The following CD38 variants were observed in gnomAD, a reference collection of about 807,000 sequenced individuals.
CD38 encodes the protein CD38 molecule, also known as ADP-ribosyl cyclase/cyclic ADP-ribose hydrolase 1.
A neutral mutation model predicts 36.3 loss-of-function variants in CD38; 31 were observed. That is an observed-to-expected ratio of 0.85 (90% CI 0.64 to 1.15). The LOEUF (loss-of-function observed/expected upper bound fraction) is 1.15. Ranked by LOEUF, CD38 falls within the 50% of genes most tolerant of loss-of-function variation. CD38 has a pLI of 0.00. For synonymous variants in CD38, 131 were observed against 135.2 expected (o/e 0.97, Z 0.22); for missense variants, 380 against 371.9 (o/e 1.02, Z -0.18).
chr4:15,805,807 T>C lies in CD38; in HGVS notation c.234-10704T>C, dbSNP rs560526425. 2.6e-5 allele frequency among the ~76,000 whole-genome samples: 4 copies of C among 152,338 alleles called. No homozygotes were observed. The East Asian group carries it at 7.7e-4, about 29-fold the overall frequency. ...ACTCACTTCTCCCACAAGGTGGCAGTCTTTACCTTCAACACAGGTTCTGGT... is the reference window on the plus strand; with the variant it reads ...ACTCACTTCTCCCACAAGGTGGCAGCCTTTACCTTCAACACAGGTTCTGGT... On this transcript the variant is annotated intron_variant, in intron 1 of 7. Transcript: ENST00000226279.
intron 1 of CD38, among the ~76,000 whole-genome samples, chr4:15,781,921 T>C (rs1239280909): frequency 1.3e-5 from 2 of 152,218 alleles, no homozygotes. Context: ...GCCATGGTTC[T>C]GTGGTTTGAC....
intron 1 of CD38, among the ~76,000 whole-genome samples, chr4:15,799,056 G>A (rs981883486): frequency 1.3e-5 from 2 of 152,092 alleles, no homozygotes; most frequent in Non-Finnish European, 2.9e-5. Context: ...TTTTAGGGTT[G>A]TGCCTTTTGT....
intron 1 of CD38, among the ~76,000 whole-genome samples, chr4:15,784,145 A>G (rs1722761533): frequency 6.6e-6 from 1 of 152,192 alleles, no homozygotes; most frequent in African/African-American, 2.4e-5. Flanking sequence ...GCTTCTGTGC[A>G]GTTAGTGCTG....
In CD38 at chr4:15,791,790, G is replaced by C. The variant is rs1333263026; in HGVS notation, c.233+13143G>C. ...CTCTGCCCGGCCAGCCGCCCCGTCC[G>C]GGAGGGAGGTGGGAGGGTCAGCCCC... is the stretch of plus-strand genomic sequence containing the variant. On this transcript the variant is annotated intron_variant, in intron 1 of 7. Coordinates refer to ENST00000226279, the MANE Select transcript of CD38 (RefSeq NM_001775.4). Among the ~76,000 whole-genome samples, 3 of 77,734 alleles carry C rather than the reference G, an allele frequency of 3.9e-5. 1 individual carries two copies. The highest frequency in any genetic ancestry group is 6.9e-5 in the Non-Finnish European group (3 of 43,710). The allele number at this position is 77,734 out of a possible 152,430, so 51.0% of individuals were successfully genotyped here. A position where few individuals can be genotyped will look rare whatever the true frequency, so the allele number is the denominator to read the frequency against.
In CD38 at chr4:15,816,460, AT is replaced by A. The variant is rs1560314132; in HGVS notation, c.234-50del. The A allele has an allele frequency of 2.7e-6, 4 of 1,457,498 alleles. No homozygotes were observed. In the African/African-American group the frequency reaches 5.8e-5, roughly 21 times the overall value. The allele number at this position is 1,457,498 out of a possible 1,614,324, so 90.3% of individuals were successfully genotyped here. On this transcript the variant is annotated intron_variant, in intron 1 of 7. Coordinates refer to ENST00000226279, the MANE Select transcript of CD38 (RefSeq NM_001775.4). ...TCTAAAAAATAATTATGCTCCAAAA[AT>A]ATTTTTAAAATCAAATAATTTATGT...
chr4:15,814,041 T>C (rs1253204860), intron 1 of CD38, among the ~76,000 whole-genome samples: 2 of 152,226 alleles, frequency 1.3e-5, no homozygotes, highest in Non-Finnish European at 2.9e-5. Context: ...TCCACAGTGG[T>C]TGAACTAATT....
rs1488011023 is a variant in CD38, at chr4:15,816,647, G to A, written c.363+7G>A. ...GACCGTACCTTGCAACAAGGTAATT[G>A]GGGGCATGCCATTGATTTTAAAACT... On this transcript the variant is annotated splice_region_variant and intron_variant, in intron 2 of 7. Transcript: ENST00000226279. 3.1e-6 allele frequency: 5 copies of A among 1,613,316 alleles called. No individual in the cohort carries two copies. Among genetic ancestry groups the A allele is most frequent in the Non-Finnish European group, 4.2e-6 (5 of 1,179,524 alleles).
At chr4:15,821,920 G>A (rs370879566) in intron 2 of CD38, among the ~76,000 whole-genome samples, 2 of 151,440 alleles carry the variant, frequency 1.3e-5, no homozygotes, top group Admixed American at 6.6e-5. Context: ...ATATCCTGAA[G>A]AACATCGATA....
intron 3 of CD38, chr4:15,825,963 T>C (rs189477230): frequency 1.3e-5 from 2 of 152,292 alleles, no homozygotes; most frequent in South Asian, 2.1e-4. Context: ...CTTTTTTTTT[T>C]CTTTTTGTTT....
At chr4:15,837,281 G>A (rs1724087034) in intron 4 of CD38, among the ~76,000 whole-genome samples, 1 of 152,194 alleles carries the variant, frequency 6.6e-6, no homozygotes, top group Non-Finnish European at 1.5e-5. Flanking sequence ...ACTCATGGAT[G>A]TATGTGGATG....
chr4:15,795,137 AG>A (rs1216099417), intron 1 of CD38, among the ~76,000 whole-genome samples: 5 of 152,194 alleles, frequency 3.3e-5, no homozygotes, highest in Non-Finnish European at 7.4e-5. Flanking sequence ...TTCTTGAATA[AG>A]GGGGTGGTGG....
At chr4:15,830,951 CTTCT>C (rs1723947684) in intron 3 of CD38, among the ~76,000 whole-genome samples, 2 of 152,050 alleles carry the variant, frequency 1.3e-5, no homozygotes, top group East Asian at 1.9e-4. Context: ...TCTTCTCTTC[CTTCT>C]TTCTTTCCTT....
At chr4:15,834,416 A>G in intron 4 of CD38, 114 bp downstream of exon 4, 1 of 688,866 alleles carries the variant, frequency 1.5e-6, no homozygotes. Context: ...AGGAATGAAA[A>G]TATAGGATTC....
intron 1 of CD38, among the ~76,000 whole-genome samples, chr4:15,797,953 G>GT (rs1425266345): frequency 3.9e-5 from 6 of 152,090 alleles, no homozygotes; most frequent in African/African-American, 7.2e-5. Context: ...TTTCAACATC[G>GT]TTTGGGGGGG....
chr4:15,818,778 A>G (rs1366155056), intron 2 of CD38, among the ~76,000 whole-genome samples: 1 of 152,218 alleles, frequency 6.6e-6, no homozygotes, highest in Non-Finnish European at 1.5e-5. Flanking sequence ...TATGGAAGAA[A>G]GGGCCTGACT....
At chr4:15,794,479 G>C (rs943568764) in intron 1 of CD38, among the ~76,000 whole-genome samples, 1 of 152,160 alleles carries the variant, frequency 6.6e-6, no homozygotes, top group African/African-American at 2.4e-5. Flanking sequence ...CACAAGGAAA[G>C]AAAACATTTC....
At position 15,816,581 on chromosome 4, in the gene CD38, A is replaced by G; in HGVS notation, c.304A>G (p.Thr102Ala). 6.2e-7 allele frequency: 1 copy of G among 1,613,880 alleles called. No individual in the cohort carries two copies. Among genetic ancestry groups the G allele is most frequent in the Non-Finnish European group, 8.5e-7 (1 of 1,179,732 alleles). Reference sequence around the variant, plus strand: ...TATTTCAAAACATCCTTGCAACATTACTGAAGAAGACTATCAGCCACTAAT... The same window carrying G: ...TATTTCAAAACATCCTTGCAACATTGCTGAAGAAGACTATCAGCCACTAAT... ...AFISKHPCNI[T>A]EEDYQPLMKL... is the part of the protein sequence containing the mutation. The change falls in exon 2 of 8, where the codon ACT becomes GCT. Residue 102 changes from threonine to alanine, a missense_variant. Coordinates refer to ENST00000226279, the MANE Select transcript of CD38 (RefSeq NM_001775.4).
rs1724386838 is a variant in CD38 at position 15,851,584 on chromosome 4, A to G, written c.*2982A>G. On this transcript the variant is annotated 3_prime_UTR_variant, in exon 8 of 8. Coordinates refer to ENST00000226279, the MANE Select transcript of CD38 (RefSeq NM_001775.4). ...ATGTTTGAGGCACCTTTTCAAATATAGTCCTTTGATTTCAGACTGAATACT... is the reference window on the plus strand; with the variant it reads ...ATGTTTGAGGCACCTTTTCAAATATGGTCCTTTGATTTCAGACTGAATACT... The G allele has an allele frequency of 6.6e-6, 1 of 152,198 alleles. No homozygotes were observed. The highest frequency in any genetic ancestry group is 2.1e-4 in the South Asian group (1 of 4,828). 9.4% of individuals were successfully genotyped at this position (152,198 alleles called of 1,614,324 possible).
intron 7 of CD38, among the ~76,000 whole-genome samples, chr4:15,848,269 C>A (rs567985315): frequency 8.5e-5 from 13 of 152,262 alleles, no homozygotes; most frequent in African/African-American, 3.1e-4. Flanking sequence ...TTCAACATTC[C>A]CTCAGGAAGC....
Sources: gnomAD v4.1 joint callset for allele counts (sites outside exome capture counted in the v4.1 genomes callset) on GRCh38, gnomAD v4.1.1 for gene constraint, MANE v1.5 for transcripts, NCBI Gene and HGNC (gene_info 2026-07-23, HGNC 2026-07-21) for gene names.